RAD51B: variants seen among roughly 807,000 people sequenced by gnomAD.
RAD51B encodes the protein DNA repair protein RAD51 homolog 2.
In RAD51B, 38 loss-of-function variants were observed where a neutral mutation model predicts 42.2. The ratio of observed to expected loss-of-function variants is 0.90; its 90% confidence interval spans 0.70 to 1.18. RAD51B has a LOEUF of 1.18. RAD51B is among the 50% of genes most tolerant of loss of function. The pLI is 0.00. For missense variants in RAD51B, 373 were observed against 400.7 expected (o/e 0.93, Z 0.59); for synonymous variants, 154 against 145.2 (o/e 1.06, Z -0.43).
intron 11 of RAD51B, among the ~76,000 whole-genome samples, chr14:68,677,630 C>T (rs1157138751): frequency 3.9e-5 from 6 of 152,290 alleles, no homozygotes; most frequent in Admixed American, 1.3e-4. Context: ...ATGGCTTCAG[C>T]GTGGGTGTCC....
At chr14:67,949,924 G>A (rs1444380671) in intron 7 of RAD51B, among the ~76,000 whole-genome samples, 1 of 152,084 alleles carries the variant, frequency 6.6e-6, no homozygotes, top group Non-Finnish European at 1.5e-5. Context: ...CTTTTCTTCT[G>A]AGCAGTAGGT....
At chr14:68,198,437 C>T (rs540691685) in intron 7 of RAD51B, among the ~76,000 whole-genome samples, 1 of 152,202 alleles carries the variant, frequency 6.6e-6, no homozygotes, top group African/African-American at 2.4e-5. Flanking sequence ...TTTTGCACTT[C>T]ATATAAATTT....
chr14:68,230,459 C>G (rs1195484464), intron 7 of RAD51B, among the ~76,000 whole-genome samples: 1 of 152,176 alleles, frequency 6.6e-6, no homozygotes, highest in Non-Finnish European at 1.5e-5. Context: ...GAGAATCTGA[C>G]TGGCTTTGAT....
At chr14:68,200,445 A>C (rs1038717088) in intron 7 of RAD51B, among the ~76,000 whole-genome samples, 16 of 152,202 alleles carry the variant, frequency 1.1e-4, no homozygotes, top group African/African-American at 3.9e-4. Flanking sequence ...ATTGGGAAAA[A>C]TGTGCATAAC....
intron 9 of RAD51B, among the ~76,000 whole-genome samples, chr14:68,434,120 G>A (rs1295499427): frequency 1.3e-5 from 2 of 152,188 alleles, no homozygotes; most frequent in Non-Finnish European, 2.9e-5. Context: ...TCTCACAGGG[G>A]TACCTGGCCA....
At chr14:68,266,013 A>G (rs1032727596) in intron 7 of RAD51B, among the ~76,000 whole-genome samples, 3 of 152,216 alleles carry the variant, frequency 2.0e-5, no homozygotes, top group Non-Finnish European at 4.4e-5. Flanking sequence ...TTATAGATGG[A>G]TGTTCCCATC....
At position 68,334,934 on chromosome 14, in the gene RAD51B, CAT is replaced by C. The variant is rs1316945449; in HGVS notation, c.853+42960_853+42961del. 2.2e-4 allele frequency among the ~76,000 whole-genome samples: 29 copies of C among 132,576 alleles called. 1 individual carries two copies. The Admixed American group carries it at 2.4e-3, about 11-fold the overall frequency. 87.0% of individuals were successfully genotyped at this position (132,576 alleles called of 152,430 possible). The stretch of plus-strand genomic sequence containing the variant: ...ATATTTTATGATATATATACACACA[CAT>C]ATATAAGTATTATATATGTTTTATA... On this transcript the variant is annotated intron_variant, in intron 8 of 10. Transcript: ENST00000471583.
intron 7 of RAD51B, among the ~76,000 whole-genome samples, chr14:68,042,170 A>G (rs555529980): frequency 2.6e-5 from 4 of 152,294 alleles, no homozygotes; most frequent in East Asian, 1.9e-4. Context: ...CCTGGCTCAT[A>G]CAGTTACAAG....
At chr14:68,514,600 C>T (rs190018324) in intron 10 of RAD51B, among the ~76,000 whole-genome samples, 1 of 152,106 alleles carries the variant, frequency 6.6e-6, no homozygotes, top group Non-Finnish European at 1.5e-5. Flanking sequence ...ATCTCAGCCT[C>T]GAATCAGTCT....
intron 7 of RAD51B, among the ~76,000 whole-genome samples, chr14:68,167,832 A>T (rs894432347): frequency 6.6e-6 from 1 of 152,134 alleles, no homozygotes; most frequent in Non-Finnish European, 1.5e-5. Context: ...TTAGCACTTT[A>T]TAGGTACAAA....
chr14:68,066,886 T>C (rs2076659515), intron 7 of RAD51B, among the ~76,000 whole-genome samples: 2 of 152,370 alleles, frequency 1.3e-5, no homozygotes, highest in South Asian at 2.1e-4. Context: ...TTTGAGGTCA[T>C]ATTTGATGTG....
chr14:68,477,712 A>G lies in RAD51B; in HGVS notation c.*48A>G, dbSNP rs557967662. On this transcript the variant is annotated 3_prime_UTR_variant, in exon 11 of 11. Transcript: ENST00000471583. The stretch of plus-strand genomic sequence containing the variant: ...AGTTGATGGGGGTGTGATTTGTGAA[A>G]TAAAACAGGACCGTACTGCTTGGAA... 1 of 1,608,624 alleles carries G rather than the reference A, an allele frequency of 6.2e-7. No homozygotes were observed. The highest frequency in any genetic ancestry group is 1.7e-5 in the Admixed American group (1 of 58,740).
intron 10 of RAD51B, among the ~76,000 whole-genome samples, chr14:68,553,728 A>C (rs894907805): frequency 4.7e-5 from 1 of 21,058 alleles, no homozygotes. Context: ...GGGTGGGGGG[A>C]GGGTGGGGAT....
intron 9 of RAD51B, among the ~76,000 whole-genome samples, chr14:68,429,278 G>C (rs2140130347): frequency 6.6e-6 from 1 of 152,276 alleles, no homozygotes; most frequent in East Asian, 1.9e-4. Context: ...CCAGTAATGG[G>C]ATGGCTGGGT....
intron 7 of RAD51B, among the ~76,000 whole-genome samples, chr14:68,102,302 G>A (rs1029011306): frequency 3.9e-5 from 6 of 152,174 alleles, no homozygotes; most frequent in African/African-American, 9.7e-5. Flanking sequence ...GCAAATTTCT[G>A]TAGTCTGCTT....
intron 8 of RAD51B, among the ~76,000 whole-genome samples, chr14:68,354,365 C>A (rs1445316229): frequency 6.6e-6 from 1 of 151,974 alleles, no homozygotes; most frequent in Non-Finnish European, 1.5e-5. Flanking sequence ...TACAGGCACA[C>A]ACCACCACGC....
intron 7 of RAD51B, among the ~76,000 whole-genome samples, chr14:68,267,800 A>G (rs1223836911): frequency 6.6e-6 from 1 of 152,258 alleles, no homozygotes; most frequent in African/African-American, 2.4e-5. Flanking sequence ...TGAATATCAT[A>G]TAAAAATGTT....
At chr14:67,902,594 T>A (rs2043648227) in intron 7 of RAD51B, among the ~76,000 whole-genome samples, 1 of 152,218 alleles carries the variant, frequency 6.6e-6, no homozygotes, top group African/African-American at 2.4e-5. Flanking sequence ...GATGTAGAAA[T>A]GGTGATGTAG....
intron 8 of RAD51B, among the ~76,000 whole-genome samples, chr14:68,380,837 A>G (rs1285628739): frequency 6.6e-6 from 1 of 152,222 alleles, no homozygotes; most frequent in African/African-American, 2.4e-5. Context: ...CAAGGCTGTG[A>G]TTTGTGTACA....
Sources: gnomAD v4.1 joint callset for allele counts (sites outside exome capture counted in the v4.1 genomes callset) on GRCh38, gnomAD v4.1.1 for gene constraint, MANE v1.5 for transcripts, NCBI Gene and HGNC (gene_info 2026-07-23, HGNC 2026-07-21) for gene names.